The following HIPK2 variants were observed in gnomAD, a reference collection of about 807,000 sequenced individuals.
HIPK2 encodes the protein homeodomain interacting protein kinase 2.
Under a neutral mutation model 113.7 loss-of-function variants are expected in HIPK2, and 27 were observed. The observed-to-expected ratio is 0.24, with a 90% CI of 0.17 to 0.33. The LOEUF is 0.33. Ranked by LOEUF, HIPK2 falls within the 10% of genes least tolerant of loss-of-function variation. The pLI, the probability that HIPK2 is intolerant of heterozygous loss-of-function variation, is 1.00. For missense variants in HIPK2, 1,257 were observed against 1,588.0 expected, an observed-to-expected ratio of 0.79 and a Z score of 3.54; for synonymous variants, 631 against 642.2, an observed-to-expected ratio of 0.98 and a Z score of 0.26.
intron 2 of HIPK2, among the ~76,000 whole-genome samples, chr7:139,632,555 A>G (rs1356083350): frequency 1.3e-5 from 2 of 152,230 alleles, no homozygotes; most frequent in African/African-American, 4.8e-5. Context: ...CCAGGATTCC[A>G]GCGTAAACTC....
chr7:139,685,660 CT>C (rs1794195373), intron 2 of HIPK2, among the ~76,000 whole-genome samples: 7 of 152,184 alleles, frequency 4.6e-5, no homozygotes. Context: ...TCCTAAGGTC[CT>C]TAAGAATTGT....
At position 139,565,344 on chromosome 7, in the gene HIPK2, T is replaced by C. The variant is rs1585213933; in HGVS notation, c.*7583A>G. The C allele has an allele frequency of 6.6e-6, 1 of 152,268 alleles. No individual in the cohort carries two copies. Among genetic ancestry groups the C allele is most frequent in the Admixed American group, 6.5e-5 (1 of 15,284 alleles). The allele number at this position is 152,268 out of a possible 1,614,324, so 9.4% of individuals were successfully genotyped here. A position where few individuals can be genotyped will look rare whatever the true frequency, so the allele number is the denominator to read the frequency against. On this transcript the variant is annotated 3_prime_UTR_variant, in exon 15 of 15. Transcript: ENST00000406875. Reference sequence around the variant, plus strand: ...GATTCTAGAACTTGTGTAAACTACCTAAGAATTTAGGCAAACAAGCCTGGA... The same window carrying C: ...GATTCTAGAACTTGTGTAAACTACCCAAGAATTTAGGCAAACAAGCCTGGA...
chr7:139,662,526 T>C (rs1440440401), intron 2 of HIPK2, among the ~76,000 whole-genome samples: 1 of 152,098 alleles, frequency 6.6e-6, no homozygotes, highest in Non-Finnish European at 1.5e-5. Context: ...AGGTTGAGTT[T>C]ACCACTCGGG....
intron 2 of HIPK2, among the ~76,000 whole-genome samples, chr7:139,692,213 T>C (rs967152258): frequency 2.0e-5 from 3 of 152,210 alleles, no homozygotes; most frequent in African/African-American, 4.8e-5. Flanking sequence ...AAGAAATACA[T>C]ACATTTAATA....
At chr7:139,603,689 T>C (rs1036885910) in intron 10 of HIPK2, among the ~76,000 whole-genome samples, 1 of 152,172 alleles carries the variant, frequency 6.6e-6, no homozygotes, top group African/African-American at 2.4e-5. Context: ...TAGAATTGCT[T>C]AGGGCTTTGG....
At chr7:139,627,046 C>T (rs1047020903) in intron 5 of HIPK2, among the ~76,000 whole-genome samples, 1 of 152,170 alleles carries the variant, frequency 6.6e-6, no homozygotes, top group Non-Finnish European at 1.5e-5. Context: ...GCAAATATAT[C>T]TGAATGACAG....
Position 139,571,413 on chromosome 7 carries a change from G to C in HIPK2, c.*1514C>G, listed in dbSNP as rs1409120845. On this transcript the variant is annotated 3_prime_UTR_variant, in exon 15 of 15. Transcript: ENST00000406875. ...TGGCCTCACAAATGGCGGAACTGGG[G>C]ACAGAGTGGGGCAGGGGTGAAGGGT... 1 of 152,328 alleles carries C rather than the reference G, an allele frequency of 6.6e-6. No individual in the cohort carries two copies. The highest frequency in any genetic ancestry group is 1.5e-5 in the Non-Finnish European group (1 of 68,100). 9.4% of individuals were successfully genotyped at this position (152,328 alleles called of 1,614,324 possible). A position where few individuals can be genotyped will look rare whatever the true frequency, so the allele number is the denominator to read the frequency against.
intron 13 of HIPK2, among the ~76,000 whole-genome samples, chr7:139,579,846 G>A (rs963163626): frequency 6.6e-6 from 1 of 152,106 alleles, no homozygotes; most frequent in African/African-American, 2.4e-5. Flanking sequence ...CCACTGAATC[G>A]GAATCCCTCG....
At chr7:139,775,166 CTT>C (rs1165305967) in intron 1 of HIPK2, among the ~76,000 whole-genome samples, 2 of 152,212 alleles carry the variant, frequency 1.3e-5, no homozygotes, top group East Asian at 3.9e-4. Flanking sequence ...AGGAATCCCT[CTT>C]CTTATAGAAA....
In HIPK2 at chr7:139,764,200, TACA is replaced by T. The variant is rs1480262884; in HGVS notation, c.19+13402_19+13404del. Among the ~76,000 whole-genome samples the T allele has an allele frequency of 5.3e-5, 8 of 152,356 alleles. No individual in the cohort carries two copies. In the East Asian group the frequency reaches 7.7e-4, roughly 15 times the overall value. ...CAACATATGTAATGCTATACCAACG[TACA>T]ACATCTACCAACATACAACATTATT... On this transcript the variant is annotated intron_variant, in intron 1 of 14. Coordinates refer to ENST00000406875, the MANE Select transcript of HIPK2 (RefSeq NM_022740.5).
At chr7:139,709,006 AAAT>A (rs935680748) in intron 2 of HIPK2, among the ~76,000 whole-genome samples, 5 of 152,346 alleles carry the variant, frequency 3.3e-5, no homozygotes, top group African/African-American at 9.6e-5. Flanking sequence ...ACTTATAATT[AAAT>A]AATAATACTT....
rs970671251 is a variant in HIPK2, at chr7:139,571,256, G to A, written c.*1671C>T. 2.0e-5 allele frequency: 3 copies of A among 152,332 alleles called. No homozygotes were observed. The highest frequency in any genetic ancestry group is 7.2e-5 in the African/African-American group (3 of 41,466). 9.4% of individuals were successfully genotyped at this position (152,332 alleles called of 1,614,324 possible). A position where few individuals can be genotyped will look rare whatever the true frequency, so the allele number is the denominator to read the frequency against. ...AAGATCGTTAGAGCAAAACAGCCCA[G>A]GGAGCCGGAGGAGAGAGTGGAGCCC... On this transcript the variant is annotated 3_prime_UTR_variant, in exon 15 of 15. Coordinates refer to ENST00000406875, the MANE Select transcript of HIPK2 (RefSeq NM_022740.5).
chr7:139,735,065 G>C lies in HIPK2; in HGVS notation c.20-18050C>G, dbSNP rs765017545. On this transcript the variant is annotated intron_variant, in intron 1 of 14. Coordinates refer to ENST00000406875, the MANE Select transcript of HIPK2 (RefSeq NM_022740.5). Reference sequence around the variant, plus strand: ...AAAGATAATTGACACTAATCTTAGTGAAGTCTAGAAGTAAGTCATAGGTTT... The same window carrying C: ...AAAGATAATTGACACTAATCTTAGTCAAGTCTAGAAGTAAGTCATAGGTTT... Among the ~76,000 whole-genome samples, 33 of 152,216 alleles carry C rather than the reference G, an allele frequency of 2.2e-4. 1 individual carries two copies. Among genetic ancestry groups the C allele is most frequent in the Admixed American group, 4.6e-4 (7 of 15,286 alleles).
At position 139,626,587 on chromosome 7, in the gene HIPK2, G is replaced by A. The variant is rs1442520538; in HGVS notation, c.1619+14C>T. ...TGCCGATCCCTGGTACGAAGCATCA[G>A]GCAGGACACCTACTGTGTGCTGTGG... On this transcript the variant is annotated intron_variant, in intron 6 of 14. Transcript: ENST00000406875. 1.2e-6 allele frequency: 2 copies of A among 1,610,634 alleles called. No homozygotes were observed. Among genetic ancestry groups the A allele is most frequent in the Admixed American group, 1.7e-5 (1 of 59,378 alleles).
chr7:139,593,713 T>C (rs1799102754), intron 12 of HIPK2, among the ~76,000 whole-genome samples: 1 of 152,124 alleles, frequency 6.6e-6, no homozygotes, highest in African/African-American at 2.4e-5. Context: ...CTGGGGTAAG[T>C]AGCAAATAGA....
At chr7:139,740,651 G>C in intron 1 of HIPK2, among the ~76,000 whole-genome samples, 1 of 152,332 alleles carries the variant, frequency 6.6e-6, no homozygotes, top group East Asian at 1.9e-4. Flanking sequence ...CGGGTCCTTC[G>C]AGGCCTGCAC....
chr7:139,600,193 C>T (rs1425708413), intron 11 of HIPK2, among the ~76,000 whole-genome samples: 1 of 152,062 alleles, frequency 6.6e-6, no homozygotes, highest in Middle Eastern at 3.2e-3. Context: ...CCATTGCATC[C>T]ATCCCTACAC....
chr7:139,771,431 T>C (rs1361780109), intron 1 of HIPK2, among the ~76,000 whole-genome samples: 1 of 151,812 alleles, frequency 6.6e-6, no homozygotes, highest in South Asian at 2.1e-4. Context: ...GGATGCCAGA[T>C]ACAAGTACAA....
In HIPK2 at chr7:139,601,839, C is replaced by G. The variant is rs80091202; in HGVS notation, c.2256-1243G>C. ...AAATTATAAGAACCTATTGTTGCAA[C>G]ATGGGGAAAAGGATGAACAGGAAAA... On this transcript the variant is annotated intron_variant, in intron 10 of 14. Transcript: ENST00000406875. 6.4e-3 allele frequency among the ~76,000 whole-genome samples: 966 copies of G among 151,444 alleles called. 10 individuals are homozygous for G. The highest frequency in any genetic ancestry group is 0.021 in the African/African-American group (853 of 41,268).
Sources: gnomAD v4.1 joint callset for allele counts (sites outside exome capture counted in the v4.1 genomes callset) on GRCh38, gnomAD v4.1.1 for gene constraint, MANE v1.5 for transcripts, NCBI Gene and HGNC (gene_info 2026-07-23, HGNC 2026-07-21) for gene names.